The following GALNT9 variants were observed in gnomAD, a reference collection of about 807,000 sequenced individuals.
GALNT9 encodes the protein GalNAc transferase 9.
Under a neutral mutation model 63.1 loss-of-function variants are expected in GALNT9, and 47 were observed. The ratio of observed to expected loss-of-function variants is 0.75; its 90% confidence interval spans 0.59 to 0.95. GALNT9 has a LOEUF of 0.95. Ranked by LOEUF, GALNT9 falls within the 40% of genes least tolerant of loss-of-function variation. The probability of loss-of-function intolerance (pLI) is 0.00; values close to 1 mark genes in which losing one functional copy is unlikely to be tolerated. For missense variants in GALNT9, 829 were observed against 874.8 expected (o/e 0.95, Z 0.66); for synonymous variants, 396 against 365.7 (o/e 1.08, Z -0.94).
intron 4 of GALNT9, 66 bp from the exon 5 acceptor site, chr12:132,257,952 C>A: frequency 8.6e-7 from 1 of 1,157,514 alleles, no homozygotes; most frequent in Non-Finnish European, 1.2e-6. Context: ...AGGGTCCACT[C>A]GCCCACAGGG....
chr12:132,223,013 CACACCCT>C (rs1877525694), intron 6 of GALNT9, among the ~76,000 whole-genome samples: 1 of 104,448 alleles, frequency 9.6e-6, no homozygotes, highest in Non-Finnish European at 2.0e-5. Context: ...CCACACAACC[CACACCCT>C]ACACAACCCG....
chr12:132,241,599 C>G (rs1245559813), intron 6 of GALNT9, among the ~76,000 whole-genome samples: 4 of 91,092 alleles, frequency 4.4e-5, no homozygotes, highest in Admixed American at 9.5e-5. Flanking sequence ...CTCCCTATAC[C>G]CATTACACAC....
chr12:132,287,806 C>T (rs751619401), intron 1 of GALNT9, among the ~76,000 whole-genome samples: 39 of 151,954 alleles, frequency 2.6e-4, no homozygotes, highest in Non-Finnish European at 4.3e-4. Context: ...CAAGCAGACG[C>T]GGCTTGGAGA....
Position 132,295,341 on chromosome 12 carries a change from G to T in GALNT9, c.239-8911C>A, listed in dbSNP as rs112800778. ...GAGGCCCAGTGCCGGGCGCCGTGCA[G>T]GCCGAGAGCCAAAGTCTGTGCAGAC... On this transcript the variant is annotated intron_variant, in intron 1 of 10. Coordinates refer to ENST00000328957, the MANE Select transcript of GALNT9 (RefSeq NM_001122636.2). 4.1e-3 allele frequency among the ~76,000 whole-genome samples: 618 copies of T among 152,384 alleles called. 6 individuals carry two copies. The highest frequency in any genetic ancestry group is 0.014 in the African/African-American group (597 of 41,596).
chr12:132,320,767 C>T (rs1868748418), intron 1 of GALNT9, among the ~76,000 whole-genome samples: 1 of 152,248 alleles, frequency 6.6e-6, no homozygotes, highest in Non-Finnish European at 1.5e-5. Context: ...AATCATCAGC[C>T]CACCCTCATC....
intron 2 of GALNT9, 90 bp from the exon 3 acceptor site, chr12:132,262,715 C>A (rs936349276): frequency 6.9e-7 from 1 of 1,450,058 alleles, no homozygotes; most frequent in African/African-American, 1.4e-5. Flanking sequence ...GCAGGAGACA[C>A]GGTTTGGGGT....
At chr12:132,270,152 T>G (rs554297724) in intron 2 of GALNT9, among the ~76,000 whole-genome samples, 2 of 152,382 alleles carry the variant, frequency 1.3e-5, no homozygotes, top group East Asian at 3.9e-4. Flanking sequence ...AGACATCTTT[T>G]GTAAAACAGT....
intron 1 of GALNT9, among the ~76,000 whole-genome samples, chr12:132,306,563 G>A (rs999983473): frequency 6.6e-5 from 10 of 152,180 alleles, no homozygotes; most frequent in East Asian, 1.9e-4. Flanking sequence ...ACACAGGTGC[G>A]TCTCCAGGCC....
At chr12:132,270,629 C>G (rs368882083) in intron 2 of GALNT9, among the ~76,000 whole-genome samples, 1 of 152,348 alleles carries the variant, frequency 6.6e-6, no homozygotes, top group East Asian at 1.9e-4. Context: ...TGTCTGAGGT[C>G]CCAGGTGGAG....
intron 2 of GALNT9, chr12:132,283,270 A>C (rs1880435050): frequency 6.6e-6 from 1 of 152,312 alleles, no homozygotes; most frequent in African/African-American, 2.4e-5. Flanking sequence ...AAGAGCTAGG[A>C]GATAAAACAG....
intron 6 of GALNT9, among the ~76,000 whole-genome samples, chr12:132,239,363 GAGAGACACACAGAGAC>G (rs1878134811): frequency 6.0e-5 from 9 of 149,504 alleles, no homozygotes; most frequent in South Asian, 2.1e-4. Flanking sequence ...GAGACAGAGA[GAGAGACACACAGAGAC>G]AGAGACACAG....
At chr12:132,199,620 G>A (rs898299262) in intron 8 of GALNT9, among the ~76,000 whole-genome samples, 10 of 152,244 alleles carry the variant, frequency 6.6e-5, no homozygotes, top group Middle Eastern at 3.4e-3. Context: ...GAGACCGCTC[G>A]CCAGCCTTGC....
chr12:132,231,174 G>C lies in GALNT9; in HGVS notation c.1077+16736C>G, dbSNP rs1219277213. ...GTGGAGCCCCTAGTGCCACACACTC[G>C]ATGGGGCGACAGAGGAGACAGCGTG... On this transcript the variant is annotated intron_variant, in intron 6 of 10. Coordinates refer to ENST00000328957, the MANE Select transcript of GALNT9 (RefSeq NM_001122636.2). Among the ~76,000 whole-genome samples, 29 of 70,562 alleles carry C rather than the reference G, an allele frequency of 4.1e-4. No homozygotes were observed. The East Asian group carries it at 6.6e-3, about 16-fold the overall frequency. The allele number at this position is 70,562 out of a possible 152,430, so 46.3% of individuals were successfully genotyped here. A position where few individuals can be genotyped will look rare whatever the true frequency, so the allele number is the denominator to read the frequency against.
At chr12:132,199,727 C>G (rs926620043) in intron 8 of GALNT9, among the ~76,000 whole-genome samples, 2 of 152,196 alleles carry the variant, frequency 1.3e-5, no homozygotes, top group Non-Finnish European at 2.9e-5. Flanking sequence ...CAAGCCCGGG[C>G]CAGACTGCTG....
Position 132,228,043 on chromosome 12 carries a change from G to T in GALNT9, c.1077+19867C>A, listed in dbSNP as rs1421813096. Among the ~76,000 whole-genome samples the T allele has an allele frequency of 2.0e-5, 3 of 152,128 alleles. No individual in the cohort carries two copies. The East Asian group carries it at 5.8e-4, about 29-fold the overall frequency. ...CTACAGCCTGCTCTGTGGTCTGCTG[G>T]GGAGTGGCGGTGCCAGACTTGGTGA... On this transcript the variant is annotated intron_variant, in intron 6 of 10. Coordinates refer to ENST00000328957, the MANE Select transcript of GALNT9 (RefSeq NM_001122636.2).
intron 1 of GALNT9, among the ~76,000 whole-genome samples, chr12:132,318,317 G>A (rs879971286): frequency 2.3e-4 from 35 of 152,254 alleles, no homozygotes; most frequent in Non-Finnish European, 3.4e-4. Flanking sequence ...GGGGCTGGGC[G>A]GGCACTGGGC....
intron 1 of GALNT9, among the ~76,000 whole-genome samples, chr12:132,291,489 A>C (rs1242014926): frequency 7.7e-6 from 1 of 129,664 alleles, no homozygotes; most frequent in South Asian, 2.7e-4. Flanking sequence ...CAGCACCCAC[A>C]ACCACAGCGC....
intron 4 of GALNT9, among the ~76,000 whole-genome samples, chr12:132,259,822 C>T (rs1423113405): frequency 6.6e-6 from 1 of 150,572 alleles, no homozygotes; most frequent in Non-Finnish European, 1.5e-5. Context: ...CCCATATTTC[C>T]CTGAGTTGAA....
In GALNT9 at chr12:132,282,286, G is replaced by A. The variant is rs1009215339; in HGVS notation, c.419+3964C>T. Among the ~76,000 whole-genome samples, 2 of 148,300 alleles carry A rather than the reference G, an allele frequency of 1.3e-5. No individual in the cohort carries two copies. Among genetic ancestry groups the A allele is most frequent in the African/African-American group, 4.9e-5 (2 of 40,602 alleles). ...GGGGAATCAGCTCCACTACAGCAAG[G>A]CCAGGCCTGGGGTCCCACATCCCAC... On this transcript the variant is annotated intron_variant, in intron 2 of 10. Transcript: ENST00000328957. The surrounding 1 kb of genome is among the most constrained non-coding windows in gnomAD (Gnocchi z 4.5).
Sources: gnomAD v4.1 joint callset for allele counts (sites outside exome capture counted in the v4.1 genomes callset) on GRCh38, gnomAD v4.1.1 for gene constraint, Gnocchi (gnomAD v3.1) non-coding constraint, MANE v1.5 for transcripts, NCBI Gene and HGNC (gene_info 2026-07-23, HGNC 2026-07-21) for gene names.